Variants in DUSP3 observed in about 807,000 individuals in gnomAD.
The protein encoded by DUSP3 is dual specificity phosphatase 3.
DUSP3 carries 7 observed loss-of-function variants against 15.5 expected under a neutral mutation model. The observed-to-expected ratio is 0.45, with a 90% CI of 0.26 to 0.85. The LOEUF (loss-of-function observed/expected upper bound fraction) is 0.85, where lower values mean the gene tolerates loss of function less well. Ranked by LOEUF, DUSP3 falls within the 40% of genes least tolerant of loss-of-function variation. The pLI is 0.18. For missense variants in DUSP3, 209 were observed against 251.7 expected (o/e 0.83, Z 1.15); for synonymous variants, 86 against 104.2 (o/e 0.83, Z 1.07).
intron 2 of DUSP3, 30 bp downstream of exon 2, chr17:43,774,682 C>T: frequency 6.2e-7 from 1 of 1,612,502 alleles, no homozygotes; most frequent in South Asian, 1.1e-5. Context: ...AGAGCTGCCT[C>T]CCATCTTTTC....
chr17:43,771,648 C>A (rs901350004), intron 2 of DUSP3, among the ~76,000 whole-genome samples: 1 of 152,140 alleles, frequency 6.6e-6, no homozygotes, highest in Non-Finnish European at 1.5e-5. Flanking sequence ...ACTACAGCAG[C>A]CCTGGTCCTG....
Position 43,778,813 on chromosome 17 carries a change from A to G in DUSP3, c.112T>C (p.Tyr38His). 1 of 1,536,968 alleles carries G rather than the reference A, an allele frequency of 6.5e-7. No homozygotes were observed. Among genetic ancestry groups the G allele is most frequent in the Non-Finnish European group, 8.7e-7 (1 of 1,143,926 alleles). ...AAAGGGACTCACGCGTTGCCCACGT[A>G]GATCCGCGGGGTGACCTCGTTGCAG... The part of the protein sequence containing the change: ...QPCNEVTPRI[Y>H]VGNASVAQDI... The change falls in exon 1 of 3, where the codon TAC (tyrosine) becomes CAC (histidine). Residue 38 changes from tyrosine (Y) to histidine (H), a missense_variant. By Grantham distance (83) the Tyr-to-His change is moderately conservative. Coordinates refer to ENST00000226004, the MANE Select transcript of DUSP3 (RefSeq NM_004090.4).
chr17:43,770,794 T>C (rs978702358), intron 2 of DUSP3, among the ~76,000 whole-genome samples: 3 of 151,596 alleles, frequency 2.0e-5, no homozygotes, highest in Middle Eastern at 3.4e-3. Flanking sequence ...GTTTCCTTCT[T>C]GTTGCCCAGG....
chr17:43,774,864 G>C lies in DUSP3; in HGVS notation c.200C>G (p.Ser67Cys). The C allele has an allele frequency of 6.2e-7, 1 of 1,614,184 alleles. No homozygotes were observed. ...THVLNAAEGR[S>C]FMHVNTNANF... ...GGCATTGGTGTTGACGTGCATGAAG[G>C]ACCTGCCCTCAGCCGCGTTCAGCAC... The change falls in exon 2 of 3, where the codon TCC becomes TGC. Residue 67 changes from serine to cysteine, a missense_variant. By Grantham distance (112) the Ser-to-Cys change is moderately radical. Transcript: ENST00000226004.
rs1974258956 is a variant in DUSP3 at position 43,767,749 on chromosome 17, T to C, written c.*1860A>G. 1.3e-5 allele frequency: 2 copies of C among 152,164 alleles called. No homozygotes were observed. Among genetic ancestry groups the C allele is most frequent in the Admixed American group, 1.3e-4 (2 of 15,282 alleles). The allele number at this position is 152,164 out of a possible 1,614,324, so 9.4% of individuals were successfully genotyped here. ...TAGGTGGGTTTATCTGGACACCTTT[T>C]TCACTATCTGGAGAAGAAGACACAT... On this transcript the variant is annotated 3_prime_UTR_variant, in exon 3 of 3. Transcript: ENST00000226004.
chr17:43,776,364 G>A (rs1974388485), intron 1 of DUSP3, among the ~76,000 whole-genome samples: 1 of 152,224 alleles, frequency 6.6e-6, no homozygotes, highest in African/African-American at 2.4e-5. Flanking sequence ...CAGGCCCCGT[G>A]TGCTGCTGGT....
rs1974279758 is a variant in DUSP3 at position 43,769,231 on chromosome 17, C to T, written c.*378G>A. The T allele has an allele frequency of 4.2e-6, 1 of 238,950 alleles. No individual in the cohort carries two copies. Among genetic ancestry groups the T allele is most frequent in the Non-Finnish European group, 8.2e-6 (1 of 122,552 alleles). The allele number at this position is 238,950 out of a possible 1,614,324, so 14.8% of individuals were successfully genotyped here. A position where few individuals can be genotyped will look rare whatever the true frequency, so the allele number is the denominator to read the frequency against. ...TGAGGTCCACACTCAAGAGAGGATT[C>T]GGGAGTTGGGGAAGGGAGGTCATGA... On this transcript the variant is annotated 3_prime_UTR_variant, in exon 3 of 3. Transcript: ENST00000226004.
rs1491312235 is a variant in DUSP3, at chr17:43,766,496, T to TA, written c.*3112_*3113insT. ...ATGTCTTCATATTGAAGATCAGTAC[T>TA]TTTTTTTTTTTTTTTCCTTTAAAAC... is the stretch of plus-strand genomic sequence containing the variant. On this transcript the variant is annotated 3_prime_UTR_variant, in exon 3 of 3. Transcript: ENST00000226004. 4.5e-5 allele frequency: 4 copies of TA among 87,972 alleles called. No homozygotes were observed. Among genetic ancestry groups the TA allele is most frequent in the Non-Finnish European group, 1.1e-4 (4 of 37,674 alleles). 5.4% of individuals were successfully genotyped at this position (87,972 alleles called of 1,614,324 possible).
chr17:43,778,146 G>A (rs1974412603), intron 1 of DUSP3: 1 of 153,700 alleles, frequency 6.5e-6, no homozygotes, highest in South Asian at 2.0e-4. Flanking sequence ...CAGAGCCTGG[G>A]GGTGAAAGGT....
intron 1 of DUSP3, 40 bp from the exon 2 acceptor site, chr17:43,774,978 A>C: frequency 6.3e-7 from 1 of 1,593,718 alleles, no homozygotes; most frequent in Non-Finnish European, 8.6e-7. Context: ...AACCAACCAA[A>C]TGGCAGCCCC....
rs1177211552 is a variant in DUSP3, at chr17:43,778,955, G to T, written c.-31C>A. On this transcript the variant is annotated 5_prime_UTR_variant, in exon 1 of 3. Coordinates refer to ENST00000226004, the MANE Select transcript of DUSP3 (RefSeq NM_004090.4). ...CGGCGGGGCCCTGCACGCCCGGCAG[G>T]AGCAAGCGAGGCGGAGAGCGGCGGA... 1 of 1,366,058 alleles carries T rather than the reference G, an allele frequency of 7.3e-7. No individual in the cohort carries two copies. The highest frequency in any genetic ancestry group is 2.6e-4 in the Middle Eastern group (1 of 3,914). The allele number at this position is 1,366,058 out of a possible 1,614,324, so 84.6% of individuals were successfully genotyped here.
Position 43,766,388 on chromosome 17 carries a change from C to T in DUSP3, c.*3221G>A, listed in dbSNP as rs1974242125. The T allele has an allele frequency of 6.6e-6, 1 of 152,196 alleles. No individual in the cohort carries two copies. The highest frequency in any genetic ancestry group is 2.1e-4 in the South Asian group (1 of 4,832). 9.4% of individuals were successfully genotyped at this position (152,196 alleles called of 1,614,324 possible). On this transcript the variant is annotated 3_prime_UTR_variant, in exon 3 of 3. Transcript: ENST00000226004. ...CCAATCAGGATAAAACCTTGACTTA[C>T]TTGCAAGGACTATCACGGTTAGCCC...
rs576796761 is a variant in DUSP3 at position 43,772,081 on chromosome 17, C to T, written c.353-2267G>A. 2.6e-5 allele frequency among the ~76,000 whole-genome samples: 4 copies of T among 151,006 alleles called. No individual in the cohort carries two copies. The South Asian group carries it at 8.4e-4, about 32-fold the overall frequency. On this transcript the variant is annotated intron_variant, in intron 2 of 2. Coordinates refer to ENST00000226004, the MANE Select transcript of DUSP3 (RefSeq NM_004090.4). ...TGGATGCGTTACAATCTCTAGCATA[C>T]ACTATGTGCTCAATAAATATTTGCT...
chr17:43,770,886 G>C (rs1452461590), intron 2 of DUSP3, among the ~76,000 whole-genome samples: 1 of 151,738 alleles, frequency 6.6e-6, no homozygotes, highest in Admixed American at 6.5e-5. Flanking sequence ...AGCCTCCTGA[G>C]TAGCTGGGAC....
At chr17:43,776,971 C>T (rs867902910) in intron 1 of DUSP3, among the ~76,000 whole-genome samples, 17 of 151,350 alleles carry the variant, frequency 1.1e-4, no homozygotes, top group African/African-American at 4.2e-4. Context: ...CATCTCCCTT[C>T]TCTAATACTT....
intron 2 of DUSP3, among the ~76,000 whole-genome samples, chr17:43,771,676 C>T (rs891626148): frequency 6.6e-6 from 1 of 152,020 alleles, no homozygotes; most frequent in Non-Finnish European, 1.5e-5. Flanking sequence ...GCCAGACATG[C>T]GCAGATTGAC....
intron 1 of DUSP3, 136 bp downstream of exon 1, chr17:43,778,664 C>T: frequency 2.5e-6 from 3 of 1,215,002 alleles, no homozygotes; most frequent in African/African-American, 1.6e-5. Context: ...CCCTCCCAAG[C>T]CCCCGCTGTG....
rs750956112 is a variant in DUSP3 at position 43,778,790 on chromosome 17, A to G, written c.125+10T>C. On this transcript the variant is annotated intron_variant, in intron 1 of 2. Coordinates refer to ENST00000226004, the MANE Select transcript of DUSP3 (RefSeq NM_004090.4). ...GGGACGGCGGGGCCGGGCTCGCGAA[A>G]GGGACTCACGCGTTGCCCACGTAGA... The G allele has an allele frequency of 3.3e-6, 5 of 1,521,918 alleles. No individual in the cohort carries two copies. The South Asian group carries it at 5.0e-5, about 15-fold the overall frequency. 94.3% of individuals were successfully genotyped at this position (1,521,918 alleles called of 1,614,324 possible). A position where few individuals can be genotyped will look rare whatever the true frequency, so the allele number is the denominator to read the frequency against.
In DUSP3 at chr17:43,769,520, TAC is replaced by T. The variant is rs1974284099; in HGVS notation, c.*87_*88del. ...GTGCCTTGTGATGCTGGGAGCAGGG[TAC>T]AGTGTGTTTCCTAAACATGGCAGCT... On this transcript the variant is annotated 3_prime_UTR_variant, in exon 3 of 3. Transcript: ENST00000226004. The T allele has an allele frequency of 5.5e-6, 8 of 1,443,624 alleles. No individual in the cohort carries two copies. Among genetic ancestry groups the T allele is most frequent in the Non-Finnish European group, 6.7e-6 (7 of 1,042,932 alleles). The allele number at this position is 1,443,624 out of a possible 1,614,324, so 89.4% of individuals were successfully genotyped here. A position where few individuals can be genotyped will look rare whatever the true frequency, so the allele number is the denominator to read the frequency against.
Sources: gnomAD v4.1 joint callset for allele counts (sites outside exome capture counted in the v4.1 genomes callset) on GRCh38, gnomAD v4.1.1 for gene constraint, MANE v1.5 for transcripts, NCBI Gene and HGNC (gene_info 2026-07-23, HGNC 2026-07-21) for gene names.